Variants in TLE1 observed in about 807,000 individuals in gnomAD.
TLE1 encodes the protein TLE family member 1, transcriptional corepressor.
TLE1 carries 21 observed loss-of-function variants against 89.8 expected under a neutral mutation model. The observed-to-expected ratio is 0.23, with a 90% CI of 0.17 to 0.34. The LOEUF (loss-of-function observed/expected upper bound fraction) is 0.34, where lower values mean the gene tolerates loss of function less well. Among genes scored for constraint, TLE1 ranks in the 10% least tolerant of loss-of-function variants. The pLI is 1.00. For synonymous variants in TLE1, 447 were observed against 407.6 expected (o/e 1.10, Z -1.16); for missense variants, 795 against 1,031.2 (o/e 0.77, Z 3.14).
At chr9:81,678,793 T>C (rs928848305) in intron 4 of TLE1, among the ~76,000 whole-genome samples, 1 of 151,150 alleles carries the variant, frequency 6.6e-6, no homozygotes, top group Non-Finnish European at 1.5e-5. Context: ...TGAGCCGAGA[T>C]CGAGCCACTG....
intron 11 of TLE1, 99 bp downstream of exon 11, chr9:81,615,883 C>T: frequency 2.0e-6 from 3 of 1,469,334 alleles, no homozygotes; most frequent in Non-Finnish European, 2.8e-6. Context: ...ATACAACCCT[C>T]AAGCAGCAAA....
chr9:81,650,015 G>A (rs975060954), intron 6 of TLE1, among the ~76,000 whole-genome samples: 2 of 152,126 alleles, frequency 1.3e-5, no homozygotes, highest in Non-Finnish European at 2.9e-5. Context: ...GCACATGCCA[G>A]TATGCCCAAG....
At chr9:81,657,985 C>G (rs1454553952) in intron 4 of TLE1, among the ~76,000 whole-genome samples, 1 of 149,860 alleles carries the variant, frequency 6.7e-6, no homozygotes, top group Non-Finnish European at 1.5e-5. Context: ...TCTTGGCTCA[C>G]TGCAACCTCC....
chr9:81,686,636 T>C (rs576341278), intron 2 of TLE1, among the ~76,000 whole-genome samples: 1 of 152,320 alleles, frequency 6.6e-6, no homozygotes, highest in South Asian at 2.1e-4. Context: ...TAAAACTTCA[T>C]AGGAACAAGG....
intron 15 of TLE1, among the ~76,000 whole-genome samples, chr9:81,591,887 T>C (rs1345557992): frequency 6.6e-6 from 1 of 152,180 alleles, no homozygotes; most frequent in Non-Finnish European, 1.5e-5. Flanking sequence ...CACTCTGCTT[T>C]TTGGAAACAC....
At chr9:81,613,875 C>T (rs547934289) in intron 11 of TLE1, among the ~76,000 whole-genome samples, 12 of 151,502 alleles carry the variant, frequency 7.9e-5, no homozygotes, top group East Asian at 2.0e-4. Flanking sequence ...ATGTCCTGGC[C>T]GCCAAGTCCA....
At chr9:81,586,012 G>C (rs1161337100) in intron 17 of TLE1, among the ~76,000 whole-genome samples, 1 of 142,408 alleles carries the variant, frequency 7.0e-6, no homozygotes, top group Non-Finnish European at 1.5e-5. Flanking sequence ...TGTGTCGTTA[G>C]GTGACTTTTT....
chr9:81,589,433 C>G (rs778560950), intron 16 of TLE1, among the ~76,000 whole-genome samples: 82 of 152,318 alleles, frequency 5.4e-4, no homozygotes, highest in Non-Finnish European at 9.7e-4. Context: ...GGCCCTATTA[C>G]ATGCAGCAGC....
At chr9:81,616,516 C>G in intron 10 of TLE1, 130 bp downstream of exon 10, 4 of 850,254 alleles carry the variant, frequency 4.7e-6, no homozygotes, top group Middle Eastern at 3.3e-4. Context: ...CAACCATTAA[C>G]TTCTTAATGT....
At chr9:81,667,303 C>A (rs764974988) in intron 4 of TLE1, among the ~76,000 whole-genome samples, 3 of 139,626 alleles carry the variant, frequency 2.1e-5, no homozygotes, top group Non-Finnish European at 3.0e-5. Flanking sequence ...GGCTGAGGTA[C>A]AAGAATCGCT....
chr9:81,631,813 G>T (rs1160148879), intron 8 of TLE1, among the ~76,000 whole-genome samples: 1 of 152,230 alleles, frequency 6.6e-6, no homozygotes, highest in Non-Finnish European at 1.5e-5. Flanking sequence ...CATAAAAGAT[G>T]ACTATCTCAC....
chr9:81,612,018 G>T, intron 12 of TLE1, 59 bp from the exon 13 acceptor site: 3 of 1,306,796 alleles, frequency 2.3e-6, no homozygotes, highest in Non-Finnish European at 3.0e-6. Context: ...AACCTGACCA[G>T]CAAGTCTGGC....
chr9:81,612,487 T>A (rs1823844794), intron 12 of TLE1: 1 of 435,272 alleles, frequency 2.3e-6, no homozygotes, highest in African/African-American at 2.1e-5. Context: ...CCTTTCCCAC[T>A]GGGGAATATC....
rs1485500365 is a variant in TLE1 at position 81,616,117 on chromosome 9, T to A, written c.783A>T (p.Arg261=). The A allele has an allele frequency of 5.0e-6, 8 of 1,612,716 alleles. No homozygotes were observed. The highest frequency in any genetic ancestry group is 6.8e-6 in the Non-Finnish European group (8 of 1,179,716). Residue 261 remains arginine (R), a synonymous_variant, in exon 11 of 20, where the codon CGA becomes CGT. Coordinates refer to ENST00000376499, the MANE Select transcript of TLE1 (RefSeq NM_005077.5). ...DVSNEDPSSP[R]ASPAHSPREN... ...CCCGGGGCGAGTGGGCAGGGCTTGC[T>A]CGCGGAGAAGAAGGGTCCTCAACAA...
intron 4 of TLE1, among the ~76,000 whole-genome samples, chr9:81,667,980 A>G (rs1337832303): frequency 6.6e-6 from 1 of 152,140 alleles, no homozygotes; most frequent in South Asian, 2.1e-4. Context: ...CCTGGCCAAC[A>G]TGGTGAAACC....
Position 81,635,426 on chromosome 9 carries a change from A to G in TLE1, c.373-1125T>C, listed in dbSNP as rs149547568. 2.4e-3 allele frequency among the ~76,000 whole-genome samples: 368 copies of G among 152,298 alleles called. 3 individuals carry two copies. Among genetic ancestry groups the G allele is most frequent in the African/African-American group, 8.4e-3 (351 of 41,558 alleles). On this transcript the variant is annotated intron_variant, in intron 6 of 19. Transcript: ENST00000376499. ...TTCCAGAAGTTCTAAGTCTGTTCTC[A>G]TTACACAGTATCATTGCTCTTATAC...
chr9:81,609,576 T>A (rs1266645794), intron 14 of TLE1, among the ~76,000 whole-genome samples: 2 of 152,196 alleles, frequency 1.3e-5, no homozygotes, highest in African/African-American at 4.8e-5. Context: ...TGAGTTTTTT[T>A]AAATTCCAAT....
At chr9:81,605,556 G>A (rs1169599465) in intron 14 of TLE1, among the ~76,000 whole-genome samples, 2 of 152,046 alleles carry the variant, frequency 1.3e-5, no homozygotes, top group Non-Finnish European at 2.9e-5. Context: ...TAATAGATAT[G>A]GGCAGTCATA....
intron 4 of TLE1, among the ~76,000 whole-genome samples, chr9:81,674,556 T>G (rs895877225): frequency 1.3e-5 from 2 of 152,182 alleles, no homozygotes; most frequent in Admixed American, 6.5e-5. Flanking sequence ...ATCAGAGTCC[T>G]TTTGCAAAAT....
Sources: allele counts gnomAD v4.1 joint callset (sites outside exome capture counted in the v4.1 genomes callset), GRCh38; gene constraint gnomAD v4.1.1; transcripts MANE v1.5; gene names NCBI Gene and HGNC (gene_info 2026-07-23, HGNC 2026-07-21).